DTNB: variants seen among roughly 807,000 people sequenced by gnomAD.
DTNB encodes dystrobrevin beta.
In DTNB, 63 loss-of-function variants were observed where a neutral mutation model predicts 90.7. The observed-to-expected ratio is 0.69, with a 90% CI of 0.57 to 0.86. DTNB has a LOEUF of 0.86. DTNB is among the 40% of genes least tolerant of loss of function. DTNB has a pLI of 0.00. For missense variants in DTNB, 744 were observed against 807.1 expected, an observed-to-expected ratio of 0.92 and a Z score of 0.95; for synonymous variants, 277 against 286.7, an observed-to-expected ratio of 0.97 and a Z score of 0.34.
intron 12 of DTNB, among the ~76,000 whole-genome samples, chr2:25,443,260 A>G (rs2057834149): frequency 6.6e-6 from 1 of 152,218 alleles, no homozygotes; most frequent in African/African-American, 2.4e-5. Context: ...ACATGCAAAT[A>G]AGGTGTTGAG....
At chr2:25,441,695 C>T (rs2057432739) in intron 12 of DTNB, among the ~76,000 whole-genome samples, 1 of 152,196 alleles carries the variant, frequency 6.6e-6, no homozygotes, top group Non-Finnish European at 1.5e-5. Context: ...ATAAACAAAA[C>T]ACTTAACAGG....
At chr2:25,639,147 A>G in intron 2 of DTNB, 53 bp from the exon 3 acceptor site, 1 of 1,495,478 alleles carries the variant, frequency 6.7e-7, no homozygotes. Flanking sequence ...TAGTTTCCAA[A>G]CGCTAGGAAA....
At chr2:25,525,611 C>T (rs546190641) in intron 9 of DTNB, among the ~76,000 whole-genome samples, 24 of 150,092 alleles carry the variant, frequency 1.6e-4, no homozygotes, top group African/African-American at 2.7e-4. Flanking sequence ...ACTCCAGCCT[C>T]GGCAACAAGA....
At chr2:25,666,270 T>A (rs1427756821) in intron 1 of DTNB, among the ~76,000 whole-genome samples, 1 of 152,120 alleles carries the variant, frequency 6.6e-6, no homozygotes, top group Non-Finnish European at 1.5e-5. Flanking sequence ...CTTGACATGT[T>A]AAAGAAGGGA....
At chr2:25,382,518 CCTTTT>C (rs2038112035) in intron 19 of DTNB, among the ~76,000 whole-genome samples, 1 of 117,956 alleles carries the variant, frequency 8.5e-6, no homozygotes, top group Non-Finnish European at 1.8e-5. Flanking sequence ...CAGTTCTCTG[CCTTTT>C]TTTTTTTTTT....
intron 9 of DTNB, among the ~76,000 whole-genome samples, chr2:25,504,766 T>C (rs2071927509): frequency 1.3e-5 from 2 of 152,228 alleles, no homozygotes; most frequent in African/African-American, 2.4e-5. Context: ...AGATTTCATA[T>C]TGCTAAGATA....
intron 9 of DTNB, among the ~76,000 whole-genome samples, chr2:25,483,518 C>T (rs1002799076): frequency 2.0e-5 from 3 of 152,148 alleles, no homozygotes; most frequent in African/African-American, 7.2e-5. Context: ...CACCTATACC[C>T]TAATTAGAAT....
chr2:25,400,419 G>A (rs568830563), intron 16 of DTNB, among the ~76,000 whole-genome samples: 4 of 152,322 alleles, frequency 2.6e-5, no homozygotes, highest in East Asian at 1.9e-4. Flanking sequence ...TGAACACTCC[G>A]CTCAACGCGA....
At chr2:25,379,509 T>C (rs1271869874) in intron 19 of DTNB, 186 bp from the exon 20 acceptor site, 1 of 616,730 alleles carries the variant, frequency 1.6e-6, no homozygotes, top group Non-Finnish European at 2.4e-6. Flanking sequence ...TCTACTACTG[T>C]AGCCAACCCG....
intron 16 of DTNB, among the ~76,000 whole-genome samples, chr2:25,407,378 C>T (rs1425072898): frequency 6.6e-6 from 1 of 152,094 alleles, no homozygotes; most frequent in Non-Finnish European, 1.5e-5. Context: ...CTTTGAAGAA[C>T]CAAAAGTAGA....
intron 12 of DTNB, among the ~76,000 whole-genome samples, chr2:25,440,875 T>C (rs922970082): frequency 2.0e-5 from 3 of 152,290 alleles, no homozygotes; most frequent in South Asian, 2.1e-4. Flanking sequence ...TGCAGAAATA[T>C]TTTAAGCCAG....
chr2:25,614,093 C>A (rs548562417), intron 4 of DTNB, among the ~76,000 whole-genome samples: 1 of 152,158 alleles, frequency 6.6e-6, no homozygotes, highest in Admixed American at 6.5e-5. Context: ...AAAGGCGATA[C>A]GACCATTTGA....
rs535224858 is a variant in DTNB, at chr2:25,634,169, C to A, written c.148+4845G>T. On this transcript the variant is annotated intron_variant, in intron 3 of 20. Coordinates refer to ENST00000406818, the MANE Select transcript of DTNB (RefSeq NM_021907.5). Reference sequence around the variant, plus strand: ...TCCGGGAGGTGAAGGGCGCCTCTGCCCGGCCGCCCCTACTGGGAAGTGAGG... The same window carrying A: ...TCCGGGAGGTGAAGGGCGCCTCTGCACGGCCGCCCCTACTGGGAAGTGAGG... Among the ~76,000 whole-genome samples the A allele has an allele frequency of 3.9e-4, 59 of 149,658 alleles. 1 individual carries two copies. The South Asian group carries it at 0.012, about 31-fold the overall frequency.
At chr2:25,489,009 T>C (rs998512791) in intron 9 of DTNB, among the ~76,000 whole-genome samples, 4 of 152,308 alleles carry the variant, frequency 2.6e-5, no homozygotes, top group African/African-American at 4.8e-5. Context: ...TGGGGACCTA[T>C]GCAGTAAGAG....
At chr2:25,522,463 T>C (rs1477640088) in intron 9 of DTNB, among the ~76,000 whole-genome samples, 2 of 152,188 alleles carry the variant, frequency 1.3e-5, no homozygotes, top group African/African-American at 4.8e-5. Context: ...TTTAGGTGCC[T>C]ACCACGCACC....
intron 16 of DTNB, among the ~76,000 whole-genome samples, chr2:25,390,698 C>G (rs370005738): frequency 6.6e-6 from 1 of 152,018 alleles, no homozygotes; most frequent in Non-Finnish European, 1.5e-5. Context: ...CCACCCGCCT[C>G]GGCCTCCCAA....
intron 10 of DTNB, among the ~76,000 whole-genome samples, chr2:25,475,485 T>A (rs1375470585): frequency 1.3e-5 from 2 of 152,224 alleles, no homozygotes; most frequent in Non-Finnish European, 2.9e-5. Context: ...ACCATCTCCA[T>A]AACATGCAGG....
intron 9 of DTNB, among the ~76,000 whole-genome samples, chr2:25,511,221 G>A (rs1296650809): frequency 6.6e-6 from 1 of 152,138 alleles, no homozygotes; most frequent in African/African-American, 2.4e-5. Context: ...GTATTCTTTT[G>A]TTCAGCATCG....
intron 9 of DTNB, among the ~76,000 whole-genome samples, chr2:25,493,432 A>G (rs1413368626): frequency 6.6e-6 from 1 of 152,154 alleles, no homozygotes; most frequent in Non-Finnish European, 1.5e-5. Flanking sequence ...CTTTAAAACA[A>G]ATGTAAAACC....
Sources: allele counts gnomAD v4.1 joint callset (sites outside exome capture counted in the v4.1 genomes callset), GRCh38; gene constraint gnomAD v4.1.1; transcripts MANE v1.5; gene names NCBI Gene and HGNC (gene_info 2026-07-23, HGNC 2026-07-21).